Variants in CFAP44 observed in about 807,000 individuals in gnomAD.
The protein encoded by CFAP44 is cilia and flagella associated protein 44, also known as cilia- and flagella-associated protein 44.
In CFAP44, 134 loss-of-function variants were observed where a neutral mutation model predicts 216.2. The observed-to-expected ratio is 0.62, with a 90% CI of 0.54 to 0.72. The LOEUF (loss-of-function observed/expected upper bound fraction) is 0.72. CFAP44 is among the 30% of genes least tolerant of loss of function. The pLI is 0.00. For synonymous variants in CFAP44, 700 were observed against 727.6 expected (o/e 0.96, Z 0.61); for missense variants, 2,035 against 2,182.1 (o/e 0.93, Z 1.34).
rs534225060 is a variant in CFAP44, at chr3:113,288,410, A to G, written c.*3147T>C. ...TTTAAAAGGAAGGACTGTAAGGAAC[A>G]GGTAAATGTTAGGAAATGAGAAGCA... On this transcript the variant is annotated 3_prime_UTR_variant, in exon 35 of 35. Coordinates refer to ENST00000393845, the MANE Select transcript of CFAP44 (RefSeq NM_001164496.2). The G allele has an allele frequency of 5.3e-5, 8 of 152,228 alleles. No individual in the cohort carries two copies. Among genetic ancestry groups the G allele is most frequent in the Non-Finnish European group, 7.3e-5 (5 of 68,052 alleles). The allele number at this position is 152,228 out of a possible 1,614,324, so 9.4% of individuals were successfully genotyped here. A position where few individuals can be genotyped will look rare whatever the true frequency, so the allele number is the denominator to read the frequency against.
At chr3:113,349,056 T>G (rs1950416384) in intron 22 of CFAP44, among the ~76,000 whole-genome samples, 1 of 152,158 alleles carries the variant, frequency 6.6e-6, no homozygotes, top group South Asian at 2.1e-4. Flanking sequence ...CACTGGGACC[T>G]CGACTCAGAT....
chr3:113,326,382 G>A (rs943874787), intron 28 of CFAP44, 63 bp downstream of exon 28: 3 of 1,389,994 alleles, frequency 2.2e-6, no homozygotes, highest in Non-Finnish European at 2.8e-6. Context: ...AGGTCCCTTA[G>A]TTACCTCTCT....
At chr3:113,429,365 C>T (rs1199788474) in intron 2 of CFAP44, among the ~76,000 whole-genome samples, 1 of 151,828 alleles carries the variant, frequency 6.6e-6, no homozygotes, top group African/African-American at 2.4e-5. Flanking sequence ...TAAATTGATC[C>T]TTTTACCCTT....
At chr3:113,361,089 G>A in intron 21 of CFAP44, 1 of 227,428 alleles carries the variant, frequency 4.4e-6, no homozygotes, top group Non-Finnish European at 9.2e-6. Context: ...TGATTTACTT[G>A]GTTAGTGGTT....
chr3:113,348,631 C>A (rs1950412131), intron 22 of CFAP44, among the ~76,000 whole-genome samples: 1 of 152,300 alleles, frequency 6.6e-6, no homozygotes, highest in East Asian at 1.9e-4. Context: ...CCTCTAATCT[C>A]CCCTGCCCAG....
chr3:113,386,915 G>A (rs1933666586), intron 15 of CFAP44, among the ~76,000 whole-genome samples: 1 of 152,138 alleles, frequency 6.6e-6, no homozygotes, highest in South Asian at 2.1e-4. Context: ...GACTGCATCA[G>A]AACACAGTGC....
chr3:113,439,418 A>G (rs1172271793), intron 1 of CFAP44, among the ~76,000 whole-genome samples: 1 of 152,226 alleles, frequency 6.6e-6, no homozygotes, highest in Non-Finnish European at 1.5e-5. Context: ...ACATCTGCCC[A>G]ACAATTGCCT....
chr3:113,330,069 A>G (rs1172077247), intron 26 of CFAP44, 99 bp downstream of exon 26: 3 of 1,394,284 alleles, frequency 2.2e-6, no homozygotes, highest in Non-Finnish European at 2.8e-6. Flanking sequence ...GGAAAGGTTC[A>G]TGCAGAGAAA....
chr3:113,339,443 G>A lies in CFAP44; in HGVS notation c.3437+2301C>T, dbSNP rs192508896. Among the ~76,000 whole-genome samples the A allele has an allele frequency of 8.4e-4, 128 of 152,266 alleles. 1 individual carries two copies. Among genetic ancestry groups the A allele is most frequent in the Middle Eastern group, 3.4e-3 (1 of 294 alleles). On this transcript the variant is annotated intron_variant, in intron 24 of 34. Coordinates refer to ENST00000393845, the MANE Select transcript of CFAP44 (RefSeq NM_001164496.2). ...CCCTGAGCTGGCCATAGGTACCACT[G>A]CGGTATGTACCAATGAAGTAGGGGA... is the stretch of plus-strand genomic sequence containing the variant.
In CFAP44 at chr3:113,290,712, AAT is replaced by A. The variant is rs1199170753; in HGVS notation, c.*843_*844del. The A allele has an allele frequency of 6.6e-6, 1 of 152,202 alleles. No homozygotes were observed. The allele number at this position is 152,202 out of a possible 1,614,324, so 9.4% of individuals were successfully genotyped here. On this transcript the variant is annotated 3_prime_UTR_variant, in exon 35 of 35. Coordinates refer to ENST00000393845, the MANE Select transcript of CFAP44 (RefSeq NM_001164496.2). ...TGATTGTTAAAGATGATCTCTAGTAAATCTATTTCATTATCTCCTCATCTATA... is the reference window on the plus strand; with the variant it reads ...TGATTGTTAAAGATGATCTCTAGTAACTATTTCATTATCTCCTCATCTATA...
intron 32 of CFAP44, among the ~76,000 whole-genome samples, chr3:113,300,565 G>A (rs1025065807): frequency 4.7e-5 from 7 of 150,458 alleles, no homozygotes; most frequent in Non-Finnish European, 4.4e-5. Flanking sequence ...CTCCATAAAC[G>A]TGAAAACAAA....
chr3:113,360,400 G>C (rs941836594), intron 21 of CFAP44: 3 of 229,926 alleles, frequency 1.3e-5, no homozygotes, highest in African/African-American at 6.9e-5. Flanking sequence ...GGTGTCTATT[G>C]GGGTTTGACA....
intron 18 of CFAP44, among the ~76,000 whole-genome samples, chr3:113,372,019 C>T (rs964049402): frequency 1.3e-5 from 2 of 152,094 alleles, no homozygotes; most frequent in African/African-American, 4.8e-5. Context: ...CAAATCAAAA[C>T]CACAGTGAGA....
intron 21 of CFAP44, 122 bp from the exon 22 acceptor site, chr3:113,358,997 C>A: frequency 8.4e-7 from 1 of 1,196,842 alleles, no homozygotes; most frequent in Non-Finnish European, 1.1e-6. Context: ...TAAACTCTGT[C>A]CATTACAAAA....
chr3:113,298,575 G>A (rs1160795065), intron 32 of CFAP44, among the ~76,000 whole-genome samples: 2 of 152,134 alleles, frequency 1.3e-5, no homozygotes, highest in Non-Finnish European at 2.9e-5. Context: ...CCAAAAAATG[G>A]GAAGCAATCC....
intron 4 of CFAP44, 137 bp from the exon 5 acceptor site, chr3:113,420,316 TC>T: frequency 1.2e-6 from 1 of 868,092 alleles, no homozygotes; most frequent in Non-Finnish European, 1.6e-6. Context: ...ACCCTGAAAC[TC>T]ATGATTTTTC....
At chr3:113,398,791 A>C (rs1393804563) in intron 13 of CFAP44, among the ~76,000 whole-genome samples, 2 of 152,212 alleles carry the variant, frequency 1.3e-5, no homozygotes, top group East Asian at 1.9e-4. Context: ...GTAAAGATTA[A>C]ATATTTCCCC....
At chr3:113,436,986 A>C (rs1935254089) in intron 1 of CFAP44, among the ~76,000 whole-genome samples, 2 of 152,242 alleles carry the variant, frequency 1.3e-5, no homozygotes, top group Non-Finnish European at 2.9e-5. Flanking sequence ...AGGTGTTGGC[A>C]GTGCTGCCTT....
intron 13 of CFAP44, among the ~76,000 whole-genome samples, chr3:113,398,180 A>G (rs1049952814): frequency 6.6e-5 from 10 of 152,256 alleles, no homozygotes; most frequent in African/African-American, 2.2e-4. Flanking sequence ...AGAATAAGGC[A>G]TGGTTGTCAC....
Sources: gnomAD v4.1 joint callset for allele counts (sites outside exome capture counted in the v4.1 genomes callset) on GRCh38, gnomAD v4.1.1 for gene constraint, MANE v1.5 for transcripts, NCBI Gene and HGNC (gene_info 2026-07-23, HGNC 2026-07-21) for gene names.